Variants in PKD2L2 observed in about 807,000 individuals in gnomAD.
PKD2L2 encodes the protein polycystin 2 like 2, transient receptor potential cation channel.
Under a neutral mutation model 83.9 loss-of-function variants are expected in PKD2L2, and 67 were observed. That is an observed-to-expected ratio of 0.80 (90% CI 0.66 to 0.98). The LOEUF (loss-of-function observed/expected upper bound fraction) is 0.98, where lower values mean the gene tolerates loss of function less well. Ranked by LOEUF, PKD2L2 falls within the 50% of genes least tolerant of loss-of-function variation. The pLI is 0.00. For synonymous variants in PKD2L2, 223 were observed against 237.8 expected, an observed-to-expected ratio of 0.94 and a Z score of 0.57; for missense variants, 632 against 717.2, an observed-to-expected ratio of 0.88 and a Z score of 1.36.
At chr5:137,932,649 T>C (rs1019853901) in intron 12 of PKD2L2, among the ~76,000 whole-genome samples, 2 of 152,178 alleles carry the variant, frequency 1.3e-5, no homozygotes, top group African/African-American at 4.8e-5. Context: ...CTCAGTCCTG[T>C]GATGAGAAGG....
intron 5 of PKD2L2, 124 bp from the exon 6 acceptor site, chr5:137,906,082 T>C (rs546307636): frequency 1.0e-5 from 6 of 590,986 alleles, no homozygotes; most frequent in East Asian, 2.9e-5. Flanking sequence ...CAAGGAAAAA[T>C]ACTTTATTAA....
intron 4 of PKD2L2, among the ~76,000 whole-genome samples, chr5:137,896,701 T>G (rs1434567161): frequency 1.3e-5 from 2 of 151,932 alleles, no homozygotes; most frequent in African/African-American, 4.8e-5. Context: ...TGTGAGCCAC[T>G]GCGCCTGGCC....
At chr5:137,928,119 G>A (rs184849342) in intron 12 of PKD2L2, among the ~76,000 whole-genome samples, 289 of 152,264 alleles carry the variant, frequency 1.9e-3, no homozygotes, top group Non-Finnish European at 1.7e-3. Flanking sequence ...TATATTCAAG[G>A]AAAGAAAATG....
intron 5 of PKD2L2, among the ~76,000 whole-genome samples, chr5:137,902,556 ACT>A (rs1347351206): frequency 6.6e-6 from 1 of 151,896 alleles, no homozygotes; most frequent in African/African-American, 2.4e-5. Flanking sequence ...TCTGAGTCTC[ACT>A]CTGTTGCCCA....
intron 5 of PKD2L2, among the ~76,000 whole-genome samples, chr5:137,903,372 G>A (rs1757116028): frequency 6.6e-6 from 1 of 152,080 alleles, no homozygotes; most frequent in African/African-American, 2.4e-5. Flanking sequence ...CCCTCTCCTG[G>A]GTGACAGGCC....
At chr5:137,910,356 A>G (rs1757726906) in intron 8 of PKD2L2, among the ~76,000 whole-genome samples, 1 of 151,866 alleles carries the variant, frequency 6.6e-6, no homozygotes. Context: ...GGTAGTGAAG[A>G]GGAAAGGGAA....
intron 3 of PKD2L2, among the ~76,000 whole-genome samples, chr5:137,893,463 T>C (rs1272246420): frequency 9.9e-5 from 15 of 152,148 alleles, no homozygotes; most frequent in Non-Finnish European, 2.9e-5. Flanking sequence ...TCACAAAACC[T>C]GGCATATGCA....
At chr5:137,939,660 G>C (rs1450392928) in intron 14 of PKD2L2, 1 of 179,120 alleles carries the variant, frequency 5.6e-6, no homozygotes, top group Non-Finnish European at 1.1e-5. Context: ...CCTGTGAGAA[G>C]ATGTCACTTT....
At chr5:137,938,129 C>T (rs1008814659) in intron 14 of PKD2L2, 1 of 152,486 alleles carries the variant, frequency 6.6e-6, no homozygotes, top group African/African-American at 2.4e-5. Context: ...CTACCAGCTA[C>T]TGCTCAACTA....
At chr5:137,916,682 G>A (rs1265179503) in intron 8 of PKD2L2, among the ~76,000 whole-genome samples, 1 of 151,764 alleles carries the variant, frequency 6.6e-6, no homozygotes, top group South Asian at 2.1e-4. Flanking sequence ...GTTTTGCCAT[G>A]TTAACCAGGC....
chr5:137,926,557 G>T (rs1304224664), intron 12 of PKD2L2, among the ~76,000 whole-genome samples: 2 of 152,136 alleles, frequency 1.3e-5, no homozygotes, highest in African/African-American at 2.4e-5. Context: ...TTGGAATCTA[G>T]ATCTATTTGC....
chr5:137,911,262 C>T lies in PKD2L2; in HGVS notation c.1328+2316C>T, dbSNP rs1213249886. On this transcript the variant is annotated intron_variant, in intron 8 of 14. Transcript: ENST00000508883. ...TGGATTACTTCACTTAGCACAAATG[C>T]CCTTAAGTTTCATCCATGTTGTAGC... Among the ~76,000 whole-genome samples the T allele has an allele frequency of 2.6e-5, 4 of 152,258 alleles. No individual in the cohort carries two copies. In the East Asian group the frequency reaches 7.7e-4, roughly 29 times the overall value.
intron 4 of PKD2L2, among the ~76,000 whole-genome samples, chr5:137,898,861 G>A (rs1049719865): frequency 6.6e-6 from 1 of 151,974 alleles, no homozygotes; most frequent in Non-Finnish European, 1.5e-5. Context: ...CCTGAATAAC[G>A]AGGACTACAG....
At chr5:137,917,466 C>T (rs1011010891) in intron 8 of PKD2L2, among the ~76,000 whole-genome samples, 1 of 152,056 alleles carries the variant, frequency 6.6e-6, no homozygotes, top group Non-Finnish European at 1.5e-5. Context: ...GCCCTGTTCA[C>T]TTTTCTTCTT....
intron 4 of PKD2L2, among the ~76,000 whole-genome samples, chr5:137,895,996 G>A (rs1756434197): frequency 6.6e-6 from 1 of 151,876 alleles, no homozygotes; most frequent in Non-Finnish European, 1.5e-5. Flanking sequence ...GGCCAACATG[G>A]TGAAACCCCA....
chr5:137,930,183 C>T (rs1294728419), intron 12 of PKD2L2, among the ~76,000 whole-genome samples: 1 of 152,054 alleles, frequency 6.6e-6, no homozygotes, highest in African/African-American at 2.4e-5. Flanking sequence ...AGAAAATACC[C>T]CTCCTTTTTA....
At chr5:137,930,649 A>C (rs1580992787) in intron 12 of PKD2L2, among the ~76,000 whole-genome samples, 1 of 151,148 alleles carries the variant, frequency 6.6e-6, no homozygotes, top group Non-Finnish European at 1.5e-5. Context: ...CTGGGTGACA[A>C]AGTGAGACTC....
intron 14 of PKD2L2, among the ~76,000 whole-genome samples, chr5:137,941,482 G>A (rs924655214): frequency 6.6e-5 from 10 of 152,152 alleles, no homozygotes; most frequent in African/African-American, 2.4e-4. Context: ...GTGCCATACT[G>A]TATTATAGGA....
At chr5:137,940,466 TG>T in intron 14 of PKD2L2, 19 of 666,946 alleles carry the variant, frequency 2.8e-5, no homozygotes, top group East Asian at 5.7e-5. Context: ...AAAGTTGTTC[TG>T]TTAAAAAAAA....
Sources: allele counts gnomAD v4.1 joint callset (sites outside exome capture counted in the v4.1 genomes callset), GRCh38; gene constraint gnomAD v4.1.1; transcripts MANE v1.5; gene names NCBI Gene and HGNC (gene_info 2026-07-23, HGNC 2026-07-21).